The following NLRP14 variants were observed in gnomAD, a reference collection of about 807,000 sequenced individuals.
The protein encoded by NLRP14 is NLR family pyrin domain containing 14.
In NLRP14, 105 loss-of-function variants were observed where a neutral mutation model predicts 94.7. The observed-to-expected ratio is 1.11, with a 90% CI of 0.95 to 1.30. The LOEUF is 1.30. NLRP14 is among the 50% of genes most tolerant of loss of function. The pLI, the probability that NLRP14 is intolerant of heterozygous loss-of-function variation, is 0.00. For missense variants in NLRP14, 1,362 were observed against 1,254.1 expected, an observed-to-expected ratio of 1.09 and a Z score of -1.30; for synonymous variants, 508 against 459.9, an observed-to-expected ratio of 1.10 and a Z score of -1.34.
chr11:7,090,026 C>CGGA, the NLRP14 span: 4 of 1,613,086 alleles, frequency 2.5e-6, no homozygotes, highest in South Asian at 4.4e-5. Flanking sequence ...CGCCATCTTA[C>CGGA]GGAGGAGGAG....
chr11:7,082,807 G>A, the NLRP14 span, among the ~76,000 whole-genome samples: 1 of 152,156 alleles, frequency 6.6e-6, no homozygotes, highest in Non-Finnish European at 1.5e-5. Context: ...CATTCACATA[G>A]GGAGCGTTAC....
chr11:7,039,275 C>A (rs970183260), intron 2 of NLRP14, among the ~76,000 whole-genome samples: 1 of 151,996 alleles, frequency 6.6e-6, no homozygotes, highest in Non-Finnish European at 1.5e-5. Flanking sequence ...TGGACGTAAT[C>A]CAAGGCAGTA....
chr11:7,045,409 A>G (rs1852331947), intron 4 of NLRP14, among the ~76,000 whole-genome samples: 1 of 152,120 alleles, frequency 6.6e-6, no homozygotes. Flanking sequence ...ACTAGAGTTG[A>G]TTGTTGCTAA....
At chr11:7,035,543 A>G (rs984570920) in intron 1 of NLRP14, among the ~76,000 whole-genome samples, 8 of 152,318 alleles carry the variant, frequency 5.3e-5, no homozygotes, top group African/African-American at 1.9e-4. Context: ...CCCCCAAGGA[A>G]ATATCCAGCC....
chr11:7,053,956 G>A (rs117879786), intron 6 of NLRP14, among the ~76,000 whole-genome samples: 10,441 of 151,882 alleles, frequency 0.069, 435 homozygotes, highest in South Asian at 0.13. Flanking sequence ...TTCCCCCACT[G>A]TGCTTCCTAG....
At chr11:7,074,445 T>G (rs1205042530), downstream of NLRP14, among the ~76,000 whole-genome samples, 1 of 152,232 alleles carries the variant, frequency 6.6e-6, no homozygotes, top group Non-Finnish European at 1.5e-5. Context: ...TTTCACATGA[T>G]AGCCTTGGGC....
chr11:7,025,921 G>A (rs953285998), intron 1 of NLRP14, among the ~76,000 whole-genome samples: 2 of 152,080 alleles, frequency 1.3e-5, no homozygotes, highest in African/African-American at 4.8e-5. Flanking sequence ...ATAAAGCCAC[G>A]CACAGATTGA....
At chr11:7,090,357 C>G in the NLRP14 span, 3 of 1,522,832 alleles carry the variant, frequency 2.0e-6, no homozygotes, top group South Asian at 3.6e-5. Flanking sequence ...AAAAGAAGAA[C>G]CTGTTGTATG....
chr11:7,064,905 G>A (rs1027398691), intron 10 of NLRP14, among the ~76,000 whole-genome samples: 36 of 151,402 alleles, frequency 2.4e-4, no homozygotes. Flanking sequence ...CATTTTCATT[G>A]GTGCGTGGAT....
chr11:7,064,167 CAA>C (rs1051487558), intron 10 of NLRP14, among the ~76,000 whole-genome samples: 4 of 152,124 alleles, frequency 2.6e-5, no homozygotes, highest in African/African-American at 9.7e-5. Flanking sequence ...GTTCTAGCAT[CAA>C]GAGAAGCTTG....
Position 7,042,023 on chromosome 11 carries a change from C to CT in NLRP14, c.362-354dup, listed in dbSNP as rs1229427910. 1.6e-3 allele frequency among the ~76,000 whole-genome samples: 216 copies of CT among 138,208 alleles called. 2 individuals carry two copies. The highest frequency in any genetic ancestry group is 4.3e-3 in the African/African-American group (160 of 37,602). The allele number at this position is 138,208 out of a possible 152,430, so 90.7% of individuals were successfully genotyped here. Reference sequence around the variant, plus strand: ...ATTATTGTTAATGGTTGCCTCTGTTCTTTTTTTTTTTAATCTGGATGACAT... The same window carrying CT: ...ATTATTGTTAATGGTTGCCTCTGTTCTTTTTTTTTTTTAATCTGGATGACAT... On this transcript the variant is annotated intron_variant, in intron 3 of 11. Transcript: ENST00000299481.
the NLRP14 span, among the ~76,000 whole-genome samples, chr11:7,080,177 T>C: frequency 2.0e-5 from 3 of 152,168 alleles, no homozygotes; most frequent in Middle Eastern, 3.2e-3. Flanking sequence ...GGGACCCCAT[T>C]TGCAGCTGGC....
Position 7,038,862 on chromosome 11 carries a change from A to T in NLRP14, c.276A>T (p.Lys92Asn), listed in dbSNP as rs1287437345. 4 of 1,613,372 alleles carry T rather than the reference A, an allele frequency of 2.5e-6. No homozygotes were observed. Among genetic ancestry groups the T allele is most frequent in the Admixed American group, 1.7e-5 (1 of 59,926 alleles). Residue 92 changes from lysine (K) to asparagine (N), a missense_variant, in exon 2 of 12, where the codon AAA becomes AAT. Coordinates refer to ENST00000299481, the MANE Select transcript of NLRP14 (RefSeq NM_176822.4). Reference sequence around the variant, plus strand: ...TGAAGGATCTGTGTGAGAGAGCGAAAGAAGAGATCAACTGTGAGTGATGCT... The same window carrying T: ...TGAAGGATCTGTGTGAGAGAGCGAATGAAGAGATCAACTGTGAGTGATGCT... ...MNLKDLCERAKEEINWSAQTI... is the reference protein window; with the variant it reads ...MNLKDLCERANEEINWSAQTI...
At chr11:7,040,359 A>G (rs537393989) in intron 3 of NLRP14, among the ~76,000 whole-genome samples, 1 of 152,326 alleles carries the variant, frequency 6.6e-6, no homozygotes, top group East Asian at 1.9e-4. Flanking sequence ...CTTTAGTCTC[A>G]TAGGAGCACG....
intron 6 of NLRP14, among the ~76,000 whole-genome samples, chr11:7,057,181 T>G (rs1317875706): frequency 6.6e-6 from 1 of 152,028 alleles, no homozygotes; most frequent in Non-Finnish European, 1.5e-5. Flanking sequence ...AGAAACAATT[T>G]TGTTTTATTT....
At chr11:7,086,086 T>A in the NLRP14 span, among the ~76,000 whole-genome samples, 5 of 152,360 alleles carry the variant, frequency 3.3e-5, no homozygotes, top group East Asian at 3.9e-4. Flanking sequence ...AATCCTATGG[T>A]AATTCTATTC....
the NLRP14 span, chr11:7,089,094 C>T: frequency 6.2e-7 from 1 of 1,606,806 alleles, no homozygotes; most frequent in Admixed American, 1.7e-5. Context: ...CTCCCACCGC[C>T]ACTGACCGAC....
intron 6 of NLRP14, among the ~76,000 whole-genome samples, chr11:7,050,152 G>C (rs926450125): frequency 6.6e-6 from 1 of 152,210 alleles, no homozygotes; most frequent in Admixed American, 6.5e-5. Flanking sequence ...TGCTGCAATA[G>C]ATTCGTTGTA....
At chr11:7,065,685 C>T (rs1473110189) in intron 10 of NLRP14, among the ~76,000 whole-genome samples, 1 of 152,022 alleles carries the variant, frequency 6.6e-6, no homozygotes, top group East Asian at 1.9e-4. Flanking sequence ...TTGCCTTCTA[C>T]ACCTAGTTTT....
Sources: gnomAD v4.1 joint callset for allele counts (sites outside exome capture counted in the v4.1 genomes callset) on GRCh38, gnomAD v4.1.1 for gene constraint, MANE v1.5 for transcripts, NCBI Gene and HGNC (gene_info 2026-07-23, HGNC 2026-07-21) for gene names.